GPC5: variants seen among roughly 807,000 people sequenced by gnomAD.
The protein encoded by GPC5 is glypican-5.
GPC5 carries 47 observed loss-of-function variants against 53.9 expected under a neutral mutation model. The observed-to-expected ratio is 0.87, with a 90% CI of 0.69 to 1.11. The LOEUF (loss-of-function observed/expected upper bound fraction) is 1.11. Among genes scored for constraint, GPC5 ranks in the 50% most tolerant of loss-of-function variants. The pLI, the probability that GPC5 is intolerant of heterozygous loss-of-function variation, is 0.00. For synonymous variants in GPC5, 286 were observed against 263.3 expected, an observed-to-expected ratio of 1.09 and a Z score of -0.84; for missense variants, 748 against 713.1, an observed-to-expected ratio of 1.05 and a Z score of -0.56.
At chr13:92,451,894 G>A (rs75547262) in intron 7 of GPC5, among the ~76,000 whole-genome samples, 5 of 152,044 alleles carry the variant, frequency 3.3e-5, no homozygotes, top group Admixed American at 2.0e-4. Flanking sequence ...TAAATCATAC[G>A]TTTAGTACAA....
At chr13:92,008,113 A>T (rs887031907) in intron 6 of GPC5, among the ~76,000 whole-genome samples, 3 of 133,712 alleles carry the variant, frequency 2.2e-5, no homozygotes, top group African/African-American at 8.5e-5. Context: ...CCCAGGCTGG[A>T]GTGCAGTGGC....
intron 7 of GPC5, chr13:92,339,840 T>G (rs1045257748): frequency 5.3e-5 from 8 of 152,134 alleles, no homozygotes; most frequent in Non-Finnish European, 1.0e-4. Flanking sequence ...TATTTTCTAA[T>G]CAACACCTTA....
chr13:91,422,592 C>T (rs559947662), intron 1 of GPC5, among the ~76,000 whole-genome samples: 21 of 151,958 alleles, frequency 1.4e-4, no homozygotes, highest in South Asian at 2.1e-4. Flanking sequence ...GCCCAGATCA[C>T]GCCATTGCAT....
intron 5 of GPC5, among the ~76,000 whole-genome samples, chr13:91,862,542 G>A (rs138550725): frequency 1.2e-4 from 18 of 152,240 alleles, no homozygotes; most frequent in South Asian, 4.1e-4. Flanking sequence ...TGTCAAAAGC[G>A]GTAGTGCCAA....
intron 6 of GPC5, among the ~76,000 whole-genome samples, chr13:91,916,085 ATAGT>A (rs1270374931): frequency 6.6e-6 from 1 of 152,208 alleles, no homozygotes; most frequent in Middle Eastern, 3.2e-3. Flanking sequence ...CTGTATATCC[ATAGT>A]TAGTTTACTT....
chr13:92,450,298 G>T (rs889401561), intron 7 of GPC5, among the ~76,000 whole-genome samples: 3 of 152,184 alleles, frequency 2.0e-5, no homozygotes, highest in Non-Finnish European at 4.4e-5. Flanking sequence ...GATTGATGCA[G>T]ATTTTGGAAT....
At chr13:91,909,646 A>G (rs571086165) in intron 6 of GPC5, among the ~76,000 whole-genome samples, 4 of 152,200 alleles carry the variant, frequency 2.6e-5, no homozygotes, top group Non-Finnish European at 5.9e-5. Context: ...AGATATGCAC[A>G]GGATGAAAGC....
chr13:92,514,178 A>T (rs1401777119), intron 7 of GPC5, among the ~76,000 whole-genome samples: 1 of 114,670 alleles, frequency 8.7e-6, no homozygotes, highest in East Asian at 3.0e-4. Flanking sequence ...GGTCATATTG[A>T]TTTGTCACCT....
intron 6 of GPC5, among the ~76,000 whole-genome samples, chr13:92,011,266 G>T (rs1215559583): frequency 1.3e-5 from 2 of 152,008 alleles, no homozygotes; most frequent in African/African-American, 2.4e-5. Flanking sequence ...TAGACGAATT[G>T]GTCCATAAGT....
In GPC5 at chr13:92,259,472, C is replaced by T. The variant is rs553323830; in HGVS notation, c.1561+114483C>T. Among the ~76,000 whole-genome samples, 595 of 152,226 alleles carry T rather than the reference C, an allele frequency of 3.9e-3. 5 individuals carry two copies. The highest frequency in any genetic ancestry group is 0.014 in the African/African-American group (575 of 41,544). On this transcript the variant is annotated intron_variant, in intron 7 of 7. Transcript: ENST00000377067. Reference sequence around the variant, plus strand: ...TTGAAAACTCCAGTGGTCCTATTTCCTACTCACTCTTGGATAATAAAATTC... The same window carrying T: ...TTGAAAACTCCAGTGGTCCTATTTCTTACTCACTCTTGGATAATAAAATTC...
chr13:92,638,887 T>C (rs1885498586), intron 7 of GPC5, among the ~76,000 whole-genome samples: 1 of 152,230 alleles, frequency 6.6e-6, no homozygotes, highest in African/African-American at 2.4e-5. Context: ...CATTTTATTT[T>C]GACACATTTG....
chr13:92,823,010 C>T lies in GPC5; in HGVS notation c.1562-43272C>T, dbSNP rs570536369. ...ATCACGAGTGCCACAGAAGATACTA[C>T]CAGGTCTCTTGGCATTTTTTTCCAC... On this transcript the variant is annotated intron_variant, in intron 7 of 7. Transcript: ENST00000377067. Among the ~76,000 whole-genome samples the T allele has an allele frequency of 2.2e-4, 34 of 151,850 alleles. No homozygotes were observed. The South Asian group carries it at 6.2e-3, about 28-fold the overall frequency.
At chr13:92,711,406 AT>A (rs1888136899) in intron 7 of GPC5, among the ~76,000 whole-genome samples, 1 of 152,138 alleles carries the variant, frequency 6.6e-6, no homozygotes, top group Admixed American at 6.6e-5. Context: ...AATATTTATC[AT>A]TTAAATATAC....
chr13:91,551,852 T>C (rs750987542), intron 2 of GPC5, among the ~76,000 whole-genome samples: 2 of 152,086 alleles, frequency 1.3e-5, no homozygotes, highest in Non-Finnish European at 2.9e-5. Flanking sequence ...GGGTAACATA[T>C]AGATTTTTGG....
intron 6 of GPC5, among the ~76,000 whole-genome samples, chr13:92,090,428 T>G (rs2041370671): frequency 6.6e-6 from 1 of 151,646 alleles, no homozygotes; most frequent in Middle Eastern, 3.4e-3. Context: ...TATAAAAGAG[T>G]CCCCAGAGAG....
rs1271855837 is a variant in GPC5 at position 92,866,422 on chromosome 13, C to G, written c.1702C>G (p.Leu568Val). The G allele has an allele frequency of 6.2e-7, 1 of 1,604,708 alleles. No homozygotes were observed. Reference protein sequence around the residue: ...TFTLISVVMLLPGIW With the variant: ...TFTLISVVMLVPGIW ...CACTCTGATAAGTGTGGTGATGTTA[C>G]TTCCCGGGATTTGGTAACTGAACTC... Residue 568 changes from leucine to valine, a missense_variant, in exon 8 of 8, where the codon CTT (leucine) becomes GTT (valine). By Grantham distance (32) the Leu-to-Val change is conservative (BLOSUM62 1). Transcript: ENST00000377067.
intron 7 of GPC5, among the ~76,000 whole-genome samples, chr13:92,557,878 T>C (rs1882553128): frequency 6.6e-6 from 1 of 151,994 alleles, no homozygotes; most frequent in Non-Finnish European, 1.5e-5. Flanking sequence ...GAGCTGGGAC[T>C]CTGCATCTCC....
At chr13:91,788,431 A>G (rs547183312) in intron 5 of GPC5, among the ~76,000 whole-genome samples, 2 of 152,312 alleles carry the variant, frequency 1.3e-5, no homozygotes, top group South Asian at 2.1e-4. Flanking sequence ...TAAACATTCA[A>G]TCTGTAGCAA....
chr13:92,555,851 T>C (rs1423277817), intron 7 of GPC5, among the ~76,000 whole-genome samples: 1 of 150,986 alleles, frequency 6.6e-6, no homozygotes, highest in Non-Finnish European at 1.5e-5. Flanking sequence ...CTTGATTTAG[T>C]GAAATCTATT....
Sources: gnomAD v4.1 joint callset for allele counts (sites outside exome capture counted in the v4.1 genomes callset) on GRCh38, gnomAD v4.1.1 for gene constraint, MANE v1.5 for transcripts, NCBI Gene and HGNC (gene_info 2026-07-23, HGNC 2026-07-21) for gene names.